Variants in SCRG1 observed in about 807,000 individuals in gnomAD.
SCRG1 encodes the protein scrapie-responsive protein 1.
SCRG1 carries 3 observed loss-of-function variants against 7.7 expected under a neutral mutation model. The ratio of observed to expected loss-of-function variants is 0.39; its 90% CI spans 0.18 to 1.01. The LOEUF (loss-of-function observed/expected upper bound fraction) is 1.01. SCRG1 is among the 50% of genes least tolerant of loss of function. The pLI, the probability that SCRG1 is intolerant of heterozygous loss-of-function variation, is 0.36. For missense variants in SCRG1, 110 were observed against 117.2 expected (o/e 0.94, Z 0.28); for synonymous variants, 46 against 41.2 (o/e 1.12, Z -0.44).
chr4:173,434,403 A>T, the SCRG1 span, among the ~76,000 whole-genome samples: 39 of 152,336 alleles, frequency 2.6e-4, no homozygotes, highest in African/African-American at 9.4e-4. Context: ...ATTTGCCACA[A>T]CTGTAAACCA....
the SCRG1 span, among the ~76,000 whole-genome samples, chr4:173,489,408 C>T: frequency 6.6e-6 from 1 of 152,076 alleles, no homozygotes; most frequent in African/African-American, 2.4e-5. Context: ...AATGATTTGT[C>T]ATAAGGAGAG....
the SCRG1 span, among the ~76,000 whole-genome samples, chr4:173,516,648 A>C: frequency 6.6e-6 from 1 of 152,200 alleles, no homozygotes; most frequent in South Asian, 2.1e-4. Context: ...GAAACAAAAC[A>C]ACCAACCCCG....
the SCRG1 span, among the ~76,000 whole-genome samples, chr4:173,438,779 T>C: frequency 1.3e-5 from 2 of 152,078 alleles, no homozygotes; most frequent in Admixed American, 1.3e-4. Flanking sequence ...TAGATTTACC[T>C]AATTCTTGCA....
the SCRG1 span, among the ~76,000 whole-genome samples, chr4:173,482,912 A>C: frequency 7.2e-6 from 1 of 139,492 alleles, no homozygotes; most frequent in African/African-American, 2.6e-5. Context: ...TATATTAAAT[A>C]TATAATACAT....
At chr4:173,464,322 G>A in the SCRG1 span, among the ~76,000 whole-genome samples, 9 of 152,102 alleles carry the variant, frequency 5.9e-5, no homozygotes, top group Admixed American at 2.6e-4. Flanking sequence ...CACAGGTCAT[G>A]GCTGTCCATA....
chr4:173,391,047 A>G (rs1739421718), intron 2 of SCRG1, 126 bp downstream of exon 2: 9 of 918,620 alleles, frequency 9.8e-6, no homozygotes, highest in Non-Finnish European at 1.5e-5. Context: ...TCTAGAAAAG[A>G]GCTGGGATTG....
At chr4:173,469,641 C>T in the SCRG1 span, 4 of 152,124 alleles carry the variant, frequency 2.6e-5, no homozygotes, top group Non-Finnish European at 5.9e-5. Flanking sequence ...AGGGAAAATG[C>T]TGTCTAAAAG....
intron 1 of SCRG1, among the ~76,000 whole-genome samples, chr4:173,392,110 A>G (rs1464284418): frequency 6.6e-6 from 1 of 152,222 alleles, no homozygotes. Context: ...ACCTTACATT[A>G]TCTTACATCC....
At chr4:173,488,852 T>C in the SCRG1 span, among the ~76,000 whole-genome samples, 1 of 152,194 alleles carries the variant, frequency 6.6e-6, no homozygotes, top group Non-Finnish European at 1.5e-5. Context: ...AAGCTAGCCT[T>C]GGTCCTTACT....
At chr4:173,444,321 G>A in the SCRG1 span, among the ~76,000 whole-genome samples, 5 of 152,106 alleles carry the variant, frequency 3.3e-5, no homozygotes, top group Admixed American at 2.0e-4. Context: ...TAGTCATTGT[G>A]GTTGACTTGT....
At chr4:173,477,586 G>A in the SCRG1 span, among the ~76,000 whole-genome samples, 7 of 152,172 alleles carry the variant, frequency 4.6e-5, no homozygotes, top group African/African-American at 9.7e-5. Context: ...AGGAAGGAAA[G>A]TGGAAAGTTA....
the SCRG1 span, among the ~76,000 whole-genome samples, chr4:173,425,113 T>G: frequency 6.6e-6 from 1 of 152,194 alleles, no homozygotes; most frequent in Non-Finnish European, 1.5e-5. Context: ...AGGAATATGC[T>G]GGTGTGGAAA....
chr4:173,468,085 A>T, the SCRG1 span: 1 of 152,662 alleles, frequency 6.6e-6, no homozygotes, highest in South Asian at 2.1e-4. Flanking sequence ...TACGAAGCAT[A>T]TACAGTCATG....
At chr4:173,461,093 A>G in the SCRG1 span, among the ~76,000 whole-genome samples, 2 of 152,236 alleles carry the variant, frequency 1.3e-5, no homozygotes, top group African/African-American at 4.8e-5. Flanking sequence ...TTTTCAGTCT[A>G]GTTCCTGACT....
intron 2 of SCRG1, among the ~76,000 whole-genome samples, chr4:173,389,439 G>C (rs1424434589): frequency 6.6e-6 from 1 of 152,310 alleles, no homozygotes; most frequent in South Asian, 2.1e-4. Context: ...GAGAGGCTGA[G>C]GGAGGAGAAT....
At chr4:173,447,210 A>G in the SCRG1 span, among the ~76,000 whole-genome samples, 1 of 152,202 alleles carries the variant, frequency 6.6e-6, no homozygotes, top group Non-Finnish European at 1.5e-5. Context: ...ATAGACAGCC[A>G]TCTTCTTGCT....
chr4:173,435,489 G>C, the SCRG1 span, among the ~76,000 whole-genome samples: 1 of 152,154 alleles, frequency 6.6e-6, no homozygotes, highest in African/African-American at 2.4e-5. Context: ...TCTAAAGTGG[G>C]CCTTTCACTC....
At chr4:173,492,085 G>A in the SCRG1 span, among the ~76,000 whole-genome samples, 1 of 152,072 alleles carries the variant, frequency 6.6e-6, no homozygotes, top group Non-Finnish European at 1.5e-5. Flanking sequence ...AGCTGTGGTT[G>A]TGTGACTGCC....
At chr4:173,496,917 T>C in the SCRG1 span, among the ~76,000 whole-genome samples, 2,813 of 151,972 alleles carry the variant, frequency 0.019, 76 homozygotes, top group African/African-American at 0.055. Context: ...CCATCCTGGC[T>C]AACACGGTGA....
Sources: gnomAD v4.1 joint callset for allele counts (sites outside exome capture counted in the v4.1 genomes callset) on GRCh38, gnomAD v4.1.1 for gene constraint, MANE v1.5 for transcripts, NCBI Gene and HGNC (gene_info 2026-07-23, HGNC 2026-07-21) for gene names.